Variants in RSRC1 observed in about 807,000 individuals in gnomAD.
The protein encoded by RSRC1 is arginine and serine rich coiled-coil 1.
RSRC1 carries 39 observed loss-of-function variants against 49.1 expected under a neutral mutation model. The ratio of observed to expected loss-of-function variants is 0.79; its 90% CI spans 0.61 to 1.04. The LOEUF is 1.04. RSRC1 is among the 50% of genes least tolerant of loss of function. The pLI is 0.00. For missense variants in RSRC1, 388 were observed against 402.4 expected, an observed-to-expected ratio of 0.96 and a Z score of 0.31; for synonymous variants, 143 against 130.8, an observed-to-expected ratio of 1.09 and a Z score of -0.63.
At chr3:158,537,280 T>C (rs1712765315) in intron 8 of RSRC1, 82 bp downstream of exon 8, 1 of 795,310 alleles carries the variant, frequency 1.3e-6, no homozygotes, top group Non-Finnish European at 1.9e-6. Context: ...TACTTAAATG[T>C]GTTTCTTCTA....
chr3:158,457,214 T>C (rs745712905), intron 6 of RSRC1, among the ~76,000 whole-genome samples: 2 of 152,094 alleles, frequency 1.3e-5, no homozygotes, highest in Non-Finnish European at 2.9e-5. Flanking sequence ...AGGTCCCGAA[T>C]GTGAGTATTG....
chr3:158,419,754 TAG>T (rs1388977744), intron 6 of RSRC1, among the ~76,000 whole-genome samples: 1 of 151,334 alleles, frequency 6.6e-6, no homozygotes, highest in Non-Finnish European at 1.5e-5. Flanking sequence ...CCTCACAGGA[TAG>T]ACTTTTTTTA....
At chr3:158,431,173 G>C (rs1428083596) in intron 6 of RSRC1, among the ~76,000 whole-genome samples, 1 of 151,832 alleles carries the variant, frequency 6.6e-6, no homozygotes, top group East Asian at 1.9e-4. Flanking sequence ...GTTTTACATT[G>C]CTAGAACACT....
chr3:158,500,776 TTATC>T (rs1739558061), intron 7 of RSRC1, among the ~76,000 whole-genome samples: 1 of 152,166 alleles, frequency 6.6e-6, no homozygotes, highest in African/African-American at 2.4e-5. Context: ...ATCTTGTTAA[TTATC>T]TATCAATTTT....
At chr3:158,509,535 A>G (rs1469397869) in intron 7 of RSRC1, among the ~76,000 whole-genome samples, 1 of 152,104 alleles carries the variant, frequency 6.6e-6, no homozygotes, top group African/African-American at 2.4e-5. Flanking sequence ...CTAATTTTAC[A>G]AATTTAAGTA....
chr3:158,424,676 C>G (rs930068903), intron 6 of RSRC1, among the ~76,000 whole-genome samples: 4 of 151,910 alleles, frequency 2.6e-5, no homozygotes, highest in Non-Finnish European at 5.9e-5. Context: ...CCTTGTACCT[C>G]TGGTAGAATT....
chr3:158,151,827 C>T (rs1362593665), intron 3 of RSRC1, among the ~76,000 whole-genome samples: 2 of 152,112 alleles, frequency 1.3e-5, no homozygotes, highest in African/African-American at 2.4e-5. Flanking sequence ...AAGTATTGCT[C>T]AATGAATGAA....
chr3:158,223,580 T>C (rs1046302906), intron 4 of RSRC1, among the ~76,000 whole-genome samples: 4 of 138,104 alleles, frequency 2.9e-5, no homozygotes, highest in African/African-American at 1.1e-4. Context: ...ATCTATAGTT[T>C]AGCTTCCTGA....
chr3:158,536,051 TTAA>T (rs1267412625), intron 7 of RSRC1, among the ~76,000 whole-genome samples: 3 of 151,270 alleles, frequency 2.0e-5, no homozygotes, highest in African/African-American at 4.8e-5. Flanking sequence ...AAGTGAGAGA[TTAA>T]TGGAGAACTT....
intron 7 of RSRC1, among the ~76,000 whole-genome samples, chr3:158,489,893 A>G (rs957103933): frequency 1.3e-5 from 2 of 152,194 alleles, no homozygotes; most frequent in African/African-American, 2.4e-5. Flanking sequence ...CTGAACTAGG[A>G]AATATTGAGA....
intron 6 of RSRC1, among the ~76,000 whole-genome samples, chr3:158,448,302 T>C (rs997167460): frequency 2.6e-5 from 4 of 151,930 alleles, no homozygotes; most frequent in African/African-American, 9.7e-5. Context: ...TATTGGATGT[T>C]TTCAATTTTT....
chr3:158,401,158 C>G (rs1733878594), intron 6 of RSRC1, among the ~76,000 whole-genome samples: 1 of 151,998 alleles, frequency 6.6e-6, no homozygotes, highest in Non-Finnish European at 1.5e-5. Flanking sequence ...GACGTACACC[C>G]TATGATGGTC....
At chr3:158,309,731 G>A (rs371889934) in intron 5 of RSRC1, among the ~76,000 whole-genome samples, 8 of 151,646 alleles carry the variant, frequency 5.3e-5, no homozygotes, top group East Asian at 1.9e-4. Flanking sequence ...ATAGCTACCC[G>A]AATATGTGAT....
intron 7 of RSRC1, among the ~76,000 whole-genome samples, chr3:158,508,329 C>A (rs1057322693): frequency 6.6e-6 from 1 of 151,820 alleles, no homozygotes; most frequent in African/African-American, 2.4e-5. Flanking sequence ...TTATTTCTCC[C>A]TCCTGTTGTT....
chr3:158,444,838 G>A (rs1736601809), intron 6 of RSRC1, among the ~76,000 whole-genome samples: 1 of 152,078 alleles, frequency 6.6e-6, no homozygotes, highest in Non-Finnish European at 1.5e-5. Context: ...CAACAAATGG[G>A]CGAAGGATAT....
intron 6 of RSRC1, among the ~76,000 whole-genome samples, chr3:158,425,704 A>T (rs948848783): frequency 6.6e-6 from 1 of 151,686 alleles, no homozygotes; most frequent in African/African-American, 2.4e-5. Flanking sequence ...CCCATTATTA[A>T]TGTGTGGGAG....
intron 5 of RSRC1, among the ~76,000 whole-genome samples, chr3:158,310,299 G>A (rs943311346): frequency 1.3e-5 from 2 of 151,644 alleles, no homozygotes; most frequent in Non-Finnish European, 3.0e-5. Flanking sequence ...TCTTATTGAG[G>A]TGAAGAGAGA....
chr3:158,228,438 A>G (rs937827734), intron 4 of RSRC1, among the ~76,000 whole-genome samples: 17 of 99,716 alleles, frequency 1.7e-4, no homozygotes, highest in African/African-American at 5.3e-4. Context: ...AAGGTAGTAA[A>G]CCATTGAGAA....
chr3:158,151,747 T>A (rs944749592), intron 3 of RSRC1, among the ~76,000 whole-genome samples: 4 of 152,176 alleles, frequency 2.6e-5, no homozygotes, highest in African/African-American at 9.7e-5. Context: ...CTTTTAGGCA[T>A]GCAAAAAGTT....
Sources: allele counts gnomAD v4.1 joint callset (sites outside exome capture counted in the v4.1 genomes callset), GRCh38; gene constraint gnomAD v4.1.1; transcripts MANE v1.5; gene names NCBI Gene and HGNC (gene_info 2026-07-23, HGNC 2026-07-21).